FANCI: variants seen among roughly 807,000 people sequenced by gnomAD.
FANCI encodes the protein FA complementation group I.
FANCI carries 156 observed loss-of-function variants against 176.1 expected under a neutral mutation model. The observed-to-expected ratio is 0.89, with a 90% CI of 0.78 to 1.01. The LOEUF is 1.01. FANCI is among the 50% of genes least tolerant of loss of function. FANCI has a pLI of 0.00. For missense variants in FANCI, 1,678 were observed against 1,534.1 expected (o/e 1.09, Z -1.57); for synonymous variants, 613 against 541.7 (o/e 1.13, Z -1.83).
chr15:89,293,803 C>T lies in FANCI; in HGVS notation c.2292-30C>T, dbSNP rs776436921. On this transcript the variant is annotated intron_variant, in intron 22 of 37. Transcript: ENST00000310775. Reference sequence around the variant, plus strand: ...TAAACCACAATATTCTGATGTTTGTCCTTAGCGGTCTCTTTTTTGTTTTTT... The same window carrying T: ...TAAACCACAATATTCTGATGTTTGTTCTTAGCGGTCTCTTTTTTGTTTTTT... The T allele has an allele frequency of 1.0e-5, 16 of 1,606,986 alleles. No individual in the cohort carries two copies. The South Asian group carries it at 1.8e-4, about 18-fold the overall frequency.
At chr15:89,310,175 G>A (rs538917115) in intron 34 of FANCI, among the ~76,000 whole-genome samples, 2 of 152,212 alleles carry the variant, frequency 1.3e-5, no homozygotes, top group East Asian at 3.9e-4. Flanking sequence ...AGTAAATGTG[G>A]GTCATACAGT....
chr15:89,296,018 A>T (rs537832869), intron 24 of FANCI, among the ~76,000 whole-genome samples: 18 of 151,982 alleles, frequency 1.2e-4, no homozygotes, highest in Non-Finnish European at 2.4e-4. Context: ...CCCAGGCTAG[A>T]GTGCAGTGGC....
In FANCI at chr15:89,276,816, C is replaced by T. The variant is rs1210318390; in HGVS notation, c.1218C>T (p.Thr406=). Reference sequence around the variant, plus strand: ...TTCTTGATGGAAAAACTATTGAAACCAGCCCAAGTCTTTCTAGAATGCCAA... The same window carrying T: ...TTCTTGATGGAAAAACTATTGAAACTAGCCCAAGTCTTTCTAGAATGCCAA... The part of the protein sequence containing the change: ...KKVLDGKTIE[T]SPSLSRMPNQ... The change falls in exon 13 of 38, where the codon ACC becomes ACT. Residue 406 remains threonine, a synonymous_variant. Transcript: ENST00000310775. The T allele has an allele frequency of 6.2e-7, 1 of 1,614,128 alleles. No individual in the cohort carries two copies. The highest frequency in any genetic ancestry group is 1.7e-5 in the Admixed American group (1 of 60,008).
intron 34 of FANCI, among the ~76,000 whole-genome samples, chr15:89,312,518 C>T (rs2151985283): frequency 6.6e-6 from 1 of 152,324 alleles, no homozygotes; most frequent in South Asian, 2.1e-4. Context: ...TAATTACCTT[C>T]TAAGAAAATT....
At chr15:89,316,259 C>G (rs968308806) in intron 37 of FANCI, 138 bp from the exon 38 acceptor site, 1 of 859,330 alleles carries the variant, frequency 1.2e-6, no homozygotes, top group Non-Finnish European at 1.9e-6. Flanking sequence ...ATAATTACCT[C>G]CTGTGAGTGG....
At chr15:89,294,124 T>G in intron 23 of FANCI, 127 bp downstream of exon 23, 1 of 1,111,730 alleles carries the variant, frequency 9.0e-7, no homozygotes, top group African/African-American at 1.6e-5. Flanking sequence ...TTATTTTTCT[T>G]GAAATAAAAG....
chr15:89,316,871 GTAAC>G lies in FANCI; in HGVS notation c.*414_*417del, dbSNP rs1441451681. On this transcript the variant is annotated 3_prime_UTR_variant, in exon 38 of 38. Transcript: ENST00000310775. ...TGGTTAGGATGCCACCTCAAGAACT[GTAAC>G]TGAGAGCTCAGAAGTGAGCAAAGGA... 7.3e-7 allele frequency: 1 copy of G among 1,376,188 alleles called. No homozygotes were observed. The highest frequency in any genetic ancestry group is 1.2e-5 in the South Asian group (1 of 86,372). The allele number at this position is 1,376,188 out of a possible 1,614,324, so 85.2% of individuals were successfully genotyped here. A position where few individuals can be genotyped will look rare whatever the true frequency, so the allele number is the denominator to read the frequency against.
In FANCI at chr15:89,281,148, G is replaced by T. The variant is rs1321868943; in HGVS notation, c.1382-22G>T. 4 of 1,611,582 alleles carry T rather than the reference G, an allele frequency of 2.5e-6. No individual in the cohort carries two copies. In the South Asian group the frequency reaches 4.4e-5, roughly 18 times the overall value. ...TTATCTTTAGTTATTTGAGACAACT[G>T]ATTATAGATTCTGTTTTTCAGACCT... On this transcript the variant is annotated intron_variant, in intron 14 of 37. Coordinates refer to ENST00000310775, the MANE Select transcript of FANCI (RefSeq NM_001113378.2).
chr15:89,300,483 TAGG>T, intron 26 of FANCI, 98 bp downstream of exon 26: 1 of 1,029,248 alleles, frequency 9.7e-7, no homozygotes, highest in South Asian at 1.3e-5. Flanking sequence ...AGTGACCAAG[TAGG>T]AGAAGAATTT....
rs974553358 is a variant in FANCI at position 89,268,636 on chromosome 15, G to A, written c.882+111G>A. ...GAAATAAATACTGTAAAATGACCCT[G>A]GGTGTGGAGGATCTCTTTTTTTTTT... On this transcript the variant is annotated intron_variant, in intron 10 of 37. Coordinates refer to ENST00000310775, the MANE Select transcript of FANCI (RefSeq NM_001113378.2). 3.0e-6 allele frequency: 4 copies of A among 1,343,606 alleles called. No homozygotes were observed. The African/African-American group carries it at 4.4e-5, about 15-fold the overall frequency. The allele number at this position is 1,343,606 out of a possible 1,614,324, so 83.2% of individuals were successfully genotyped here. A position where few individuals can be genotyped will look rare whatever the true frequency, so the allele number is the denominator to read the frequency against.
chr15:89,255,733 TC>T lies in FANCI; in HGVS notation c.85-2970del, dbSNP rs142410788. ...AGTCTGCCAATTAATTTTAAAGCCT[TC>T]TGAGGTAACAGGGATACTTAAATCT... On this transcript the variant is annotated intron_variant, in intron 2 of 37. Transcript: ENST00000310775. Among the ~76,000 whole-genome samples, 60 of 152,340 alleles carry T rather than the reference TC, an allele frequency of 3.9e-4. 1 individual carries two copies. In the East Asian group the frequency reaches 7.3e-3, roughly 19 times the overall value.
At chr15:89,284,056 C>A (rs917624976) in intron 17 of FANCI, among the ~76,000 whole-genome samples, 2 of 152,130 alleles carry the variant, frequency 1.3e-5, no homozygotes, top group Non-Finnish European at 1.5e-5. Context: ...CCACCACACC[C>A]GGCCCATATT....
At chr15:89,311,482 GC>G (rs1567178074) in intron 34 of FANCI, among the ~76,000 whole-genome samples, 2 of 152,002 alleles carry the variant, frequency 1.3e-5, no homozygotes, top group African/African-American at 4.8e-5. Flanking sequence ...GTTGGAATGG[GC>G]AGGGAACAGG....
rs2052827709 is a variant in FANCI at position 89,263,920 on chromosome 15, C to G, written c.563C>G (p.Ala188Gly). The change falls in exon 8 of 38, where the codon GCA (alanine) becomes GGA (glycine). Residue 188 changes from alanine to glycine, a missense_variant. This residue lies in a region of FANCI where 469 missense variants were observed against 436.9 expected (regional missense o/e 1.07). Transcript: ENST00000310775. ...ATCCACAGGGATGTCCCTCTGACTGCAGAAGAGGTGGAATTTGTGGTGGAA... is the reference window on the plus strand; with the variant it reads ...ATCCACAGGGATGTCCCTCTGACTGGAGAAGAGGTGGAATTTGTGGTGGAA... ...TSMFKDVPLT[A>G]EEVEFVVEKA... 1 of 1,613,936 alleles carries G rather than the reference C, an allele frequency of 6.2e-7. No homozygotes were observed. Among genetic ancestry groups the G allele is most frequent in the Non-Finnish European group, 8.5e-7 (1 of 1,179,940 alleles).
chr15:89,282,140 C>T (rs1362954356), intron 16 of FANCI: 2 of 386,614 alleles, frequency 5.2e-6, no homozygotes, highest in East Asian at 1.2e-4. Context: ...AGCAAGGATT[C>T]AAAGTCAGGT....
At chr15:89,301,964 TTGTG>T (rs1186904487) in intron 27 of FANCI, among the ~76,000 whole-genome samples, 5 of 152,194 alleles carry the variant, frequency 3.3e-5, no homozygotes, top group Admixed American at 1.3e-4. Context: ...GTATGTATGT[TTGTG>T]TAAGTGTGCA....
chr15:89,312,762 T>A (rs1233709901), intron 34 of FANCI, 142 bp from the exon 35 acceptor site: 6 of 661,308 alleles, frequency 9.1e-6, no homozygotes, highest in African/African-American at 3.8e-5. Context: ...GAGGTTACAG[T>A]GGGTCGACAT....
rs10152726 is a variant in FANCI, at chr15:89,285,997, T to C, written c.1821+779T>C. Among the ~76,000 whole-genome samples the C allele has an allele frequency of 4.7e-3, 708 of 152,076 alleles. 4 individuals are homozygous for C. Among genetic ancestry groups the C allele is most frequent in the African/African-American group, 0.016 (661 of 41,460 alleles). On this transcript the variant is annotated intron_variant, in intron 18 of 37. Transcript: ENST00000310775. ...TTGTTCCAAACTTAGTTTTTTTTTT[T>C]CTTTGGGACAGAGTCTCGCTCTGTC...
At position 89,312,765 on chromosome 15, in the gene FANCI, G is replaced by C. The variant is rs949636200; in HGVS notation, c.3652-139G>C. 1.2e-5 allele frequency: 8 copies of C among 677,142 alleles called. No homozygotes were observed. In the East Asian group the frequency reaches 2.2e-4, roughly 18 times the overall value. 41.9% of individuals were successfully genotyped at this position (677,142 alleles called of 1,614,324 possible). ...ACTCGGGGCGCAGAGGTTACAGTGG[G>C]TCGACATCACGCCACTGCACACCAG... On this transcript the variant is annotated intron_variant, in intron 34 of 37. Transcript: ENST00000310775.
Sources: gnomAD v4.1 joint callset for allele counts (sites outside exome capture counted in the v4.1 genomes callset) on GRCh38, gnomAD v4.1.1 for gene constraint, gnomAD v4.1.1 regional missense constraint, MANE v1.5 for transcripts, NCBI Gene and HGNC (gene_info 2026-07-23, HGNC 2026-07-21) for gene names.